The following ODF2L variants were observed in gnomAD, a reference collection of about 807,000 sequenced individuals.
ODF2L encodes the protein outer dense fiber of sperm tails 2 like, also known as protein BCAP.
A neutral mutation model predicts 86.3 loss-of-function variants in ODF2L; 76 were observed. That is an observed-to-expected ratio of 0.88 (90% CI 0.73 to 1.07). The LOEUF (loss-of-function observed/expected upper bound fraction) is 1.07. Ranked by LOEUF, ODF2L falls within the 50% of genes least tolerant of loss-of-function variation. The pLI, the probability that ODF2L is intolerant of heterozygous loss-of-function variation, is 0.00. For synonymous variants in ODF2L, 241 were observed against 231.3 expected, an observed-to-expected ratio of 1.04 and a Z score of -0.38; for missense variants, 748 against 717.4, an observed-to-expected ratio of 1.04 and a Z score of -0.49.
chr1:86,370,426 C>A (rs534183144), intron 10 of ODF2L, among the ~76,000 whole-genome samples: 28 of 152,158 alleles, frequency 1.8e-4, no homozygotes, highest in African/African-American at 6.7e-4. Context: ...AACTTTATTT[C>A]ATGGTTTTAA....
chr1:86,383,331 A>G (rs1254958509), intron 4 of ODF2L, 135 bp from the exon 5 acceptor site: 4 of 492,182 alleles, frequency 8.1e-6, no homozygotes, highest in Non-Finnish European at 1.4e-5. Context: ...AACAACTGAA[A>G]AGATTTTTGC....
At chr1:86,391,296 T>A (rs1189309579) in intron 1 of ODF2L, among the ~76,000 whole-genome samples, 1 of 152,094 alleles carries the variant, frequency 6.6e-6, no homozygotes, top group Admixed American at 6.5e-5. Flanking sequence ...GCAATTCGCA[T>A]AAAAATACCA....
At chr1:86,358,106 C>T in intron 13 of ODF2L, 1 of 985,362 alleles carries the variant, frequency 1.0e-6, no homozygotes, top group East Asian at 1.1e-4. Context: ...CTTCTCAATC[C>T]TAAGATAGGG....
At chr1:86,365,814 G>A (rs1222694050) in intron 11 of ODF2L, among the ~76,000 whole-genome samples, 18 of 152,156 alleles carry the variant, frequency 1.2e-4, no homozygotes, top group Admixed American at 1.0e-3. Flanking sequence ...AGGCAAGAGT[G>A]AGACCTGGGT....
chr1:86,360,771 C>A, intron 11 of ODF2L: 1 of 262,562 alleles, frequency 3.8e-6, no homozygotes, highest in Non-Finnish European at 7.0e-6. Context: ...TCTAAATTTA[C>A]TGACAAAAAA....
At chr1:86,347,503 A>C (rs1228537476), downstream of ODF2L, 1 of 152,180 alleles carries the variant, frequency 6.6e-6, no homozygotes, top group Non-Finnish European at 1.5e-5. Flanking sequence ...TGGGTAAAAA[A>C]TGTGGCCAGT....
intron 3 of ODF2L, among the ~76,000 whole-genome samples, chr1:86,385,214 G>A (rs916315609): frequency 9.9e-5 from 15 of 151,800 alleles, no homozygotes; most frequent in South Asian, 2.1e-4. Flanking sequence ...GTTCAACTCC[G>A]GGTAATTCAA....
At chr1:86,374,344 A>G (rs272509) in intron 8 of ODF2L, among the ~76,000 whole-genome samples, 105,199 of 151,986 alleles carry the variant, frequency 0.69, 36,791 homozygotes, top group East Asian at 0.83. Flanking sequence ...AAGAATTTAT[A>G]TGTTAGCAAT....
intron 7 of ODF2L, among the ~76,000 whole-genome samples, chr1:86,378,631 A>G (rs1230730805): frequency 6.6e-6 from 1 of 152,128 alleles, no homozygotes; most frequent in African/African-American, 2.4e-5. Context: ...GTGACAGGGA[A>G]GCAGGGACCT....
intron 1 of ODF2L, among the ~76,000 whole-genome samples, chr1:86,394,182 A>G (rs1048061027): frequency 1.3e-5 from 2 of 152,210 alleles, no homozygotes; most frequent in African/African-American, 4.8e-5. Flanking sequence ...CTTGTCCAAG[A>G]TTACAAGTAA....
rs1658235151 is a variant in ODF2L at position 86,352,762 on chromosome 1, T to G, written c.1893+97A>C. On this transcript the variant is annotated intron_variant, in intron 17 of 17. Transcript: ENST00000317336. ...TGCTTGTTATTTTTAATATTATCAG[T>G]AAAACAATAGACTTGATTCACTCAC... 9.8e-6 allele frequency: 7 copies of G among 715,826 alleles called. No individual in the cohort carries two copies. In the East Asian group the frequency reaches 2.0e-4, roughly 20 times the overall value. The allele number at this position is 715,826 out of a possible 1,614,324, so 44.3% of individuals were successfully genotyped here.
At chr1:86,388,498 T>C (rs1661096689) in intron 1 of ODF2L, among the ~76,000 whole-genome samples, 1 of 152,076 alleles carries the variant, frequency 6.6e-6, no homozygotes, top group Admixed American at 6.5e-5. Context: ...CTACAAGCCT[T>C]GTAAAAGCTA....
chr1:86,384,781 A>G, exon 4 of ODF2L: 1 of 1,522,570 alleles, frequency 6.6e-7, no homozygotes, highest in African/African-American at 1.4e-5. Context: ...AAATCTTCAA[A>G]TTCAATGCAG....
chr1:86,386,814 T>C (rs751772068), intron 2 of ODF2L, 101 bp downstream of exon 2: 11 of 597,400 alleles, frequency 1.8e-5, no homozygotes, highest in Middle Eastern at 4.5e-4. Context: ...AAAGATACTC[T>C]TAAAAGAATG....
exon 18 of ODF2L, chr1:86,350,889 A>C (rs1160721978): frequency 2.0e-5 from 3 of 152,198 alleles, no homozygotes; most frequent in East Asian, 1.9e-4. Flanking sequence ...TGGCTGACTA[A>C]ATGTCTTCTC....
chr1:86,396,123 A>G (rs529934718), exon 1 of ODF2L: 3 of 152,562 alleles, frequency 2.0e-5, no homozygotes, highest in Non-Finnish European at 2.9e-5. Context: ...GGCTGCTGCA[A>G]TGGAAACCGT....
chr1:86,355,217 C>G (rs913641956), intron 14 of ODF2L: 6 of 661,466 alleles, frequency 9.1e-6, no homozygotes, highest in Non-Finnish European at 1.6e-5. Context: ...CCTAGGGTTT[C>G]TCTTATGGTT....
chr1:86,361,868 T>C (rs565625034), intron 11 of ODF2L, among the ~76,000 whole-genome samples: 8 of 152,284 alleles, frequency 5.3e-5, no homozygotes, highest in African/African-American at 2.4e-5. Flanking sequence ...GTTCTATTAG[T>C]GAACAAAACA....
intron 13 of ODF2L, 50 bp downstream of exon 12, chr1:86,358,737 A>G (rs1393951700): frequency 1.3e-6 from 1 of 782,410 alleles, no homozygotes; most frequent in Admixed American, 3.2e-5. Context: ...TGTACTATTC[A>G]TAAAGTAAAA....
Sources: allele counts gnomAD v4.1 joint callset (sites outside exome capture counted in the v4.1 genomes callset), GRCh38; gene constraint gnomAD v4.1.1; transcripts MANE v1.5; gene names NCBI Gene and HGNC (gene_info 2026-07-23, HGNC 2026-07-21).